Variants in GPRIN3 observed in about 807,000 individuals in gnomAD.
The protein encoded by GPRIN3 is G protein-regulated inducer of neurite outgrowth 3.
A neutral mutation model predicts 13.7 loss-of-function variants in GPRIN3; 12 were observed. That is an observed-to-expected ratio of 0.87 (90% CI 0.56 to 1.42). The LOEUF (loss-of-function observed/expected upper bound fraction) is 1.42, where lower values mean the gene tolerates loss of function less well. Ranked by LOEUF, GPRIN3 falls within the 40% of genes most tolerant of loss-of-function variation. The pLI is 0.00. For synonymous variants in GPRIN3, 377 were observed against 372.7 expected (o/e 1.01, Z -0.13); for missense variants, 1,009 against 958.7 (o/e 1.05, Z -0.69).
intron 1 of GPRIN3, among the ~76,000 whole-genome samples, chr4:89,256,312 C>T (rs1407838253): frequency 6.6e-6 from 1 of 152,162 alleles, no homozygotes; most frequent in African/African-American, 2.4e-5. Flanking sequence ...ATGGCATTAA[C>T]ATCCACTACA....
At chr4:89,254,235 A>T (rs1723409689) in intron 1 of GPRIN3, among the ~76,000 whole-genome samples, 1 of 148,398 alleles carries the variant, frequency 6.7e-6, no homozygotes, top group Admixed American at 6.8e-5. Flanking sequence ...TCTTTTTTTA[A>T]ACCTTTTTTT....
chr4:89,292,559 G>A (rs1724603967), intron 1 of GPRIN3, among the ~76,000 whole-genome samples: 1 of 151,996 alleles, frequency 6.6e-6, no homozygotes. Context: ...GTGAGTTGGG[G>A]CAAAAAAGAG....
intron 1 of GPRIN3, among the ~76,000 whole-genome samples, chr4:89,272,240 G>A (rs748801883): frequency 6.6e-6 from 1 of 152,190 alleles, no homozygotes; most frequent in Non-Finnish European, 1.5e-5. Context: ...GTATCTTAGC[G>A]GGAAGGCTGT....
At chr4:89,283,857 G>A (rs995365979) in intron 1 of GPRIN3, among the ~76,000 whole-genome samples, 5 of 152,086 alleles carry the variant, frequency 3.3e-5, no homozygotes, top group South Asian at 2.1e-4. Context: ...CTGCAGCTCC[G>A]GATGCAAGAT....
chr4:89,304,854 C>G (rs1420589707), intron 1 of GPRIN3, among the ~76,000 whole-genome samples: 1 of 152,166 alleles, frequency 6.6e-6, no homozygotes, highest in Non-Finnish European at 1.5e-5. Context: ...TTCCCTCATT[C>G]TCTCTCTTAT....
chr4:89,284,998 T>G (rs1385612005), intron 1 of GPRIN3, among the ~76,000 whole-genome samples: 1 of 152,162 alleles, frequency 6.6e-6, no homozygotes, highest in African/African-American at 2.4e-5. Flanking sequence ...GCCTTTTGCA[T>G]GTCTGACACT....
intron 1 of GPRIN3, among the ~76,000 whole-genome samples, chr4:89,303,155 T>C (rs1337501741): frequency 6.6e-6 from 1 of 152,068 alleles, no homozygotes; most frequent in African/African-American, 2.4e-5. Context: ...TAGAAATGCA[T>C]ACAAACATAT....
At chr4:89,286,099 A>G (rs1041368625) in intron 1 of GPRIN3, among the ~76,000 whole-genome samples, 4 of 150,724 alleles carry the variant, frequency 2.7e-5, no homozygotes, top group East Asian at 3.9e-4. Context: ...GTGTATATAT[A>G]TATATATATA....
chr4:89,270,524 A>G (rs184908958), intron 1 of GPRIN3, among the ~76,000 whole-genome samples: 1,618 of 136,936 alleles, frequency 0.012, 42 homozygotes, highest in African/African-American at 0.04. Flanking sequence ...TTGCTACGAC[A>G]TCTCTCATAT....
intron 1 of GPRIN3, among the ~76,000 whole-genome samples, chr4:89,251,966 TTA>T (rs1723341772): frequency 6.6e-6 from 1 of 151,926 alleles, no homozygotes; most frequent in African/African-American, 2.4e-5. Context: ...ATGTGTGTGT[TTA>T]TATATAAGCT....
At position 89,248,558 on chromosome 4, in the gene GPRIN3, A is replaced by T. The variant is rs1219436978; in HGVS notation, c.1553T>A (p.Ile518Asn). The change falls in exon 2 of 2, where the codon ATC becomes AAC. Residue 518 changes from isoleucine (I) to asparagine (N), a missense_variant. Coordinates refer to ENST00000609438, the MANE Select transcript of GPRIN3 (RefSeq NM_198281.3). ...GCTCCCAGAATGATCAGCTTTGCTG[A>T]TAGAGCCACAAGAGTCAGATAGTTT... ...DCKLSDSCGS[I>N]SKADHSGSLD... is the part of the protein sequence containing the mutation. The T allele has an allele frequency of 6.2e-7, 1 of 1,613,078 alleles. No homozygotes were observed. Among genetic ancestry groups the T allele is most frequent in the African/African-American group, 1.3e-5 (1 of 75,004 alleles).
chr4:89,252,267 C>G (rs535687365), intron 1 of GPRIN3, among the ~76,000 whole-genome samples: 1 of 152,248 alleles, frequency 6.6e-6, no homozygotes, highest in South Asian at 2.1e-4. Flanking sequence ...GCCCATGAAC[C>G]TGGCCTATAA....
At chr4:89,266,992 T>A (rs1019076736) in intron 1 of GPRIN3, among the ~76,000 whole-genome samples, 3 of 152,166 alleles carry the variant, frequency 2.0e-5, no homozygotes, top group African/African-American at 7.2e-5. Context: ...AGAGAAAATA[T>A]ATATGTAAAG....
intron 1 of GPRIN3, among the ~76,000 whole-genome samples, chr4:89,295,643 G>A (rs944523262): frequency 6.6e-6 from 1 of 152,032 alleles, no homozygotes; most frequent in Non-Finnish European, 1.5e-5. Context: ...AAGAAAACAA[G>A]CAAGATTTAA....
intron 1 of GPRIN3, among the ~76,000 whole-genome samples, chr4:89,260,490 T>C (rs1723594251): frequency 6.6e-6 from 1 of 152,332 alleles, no homozygotes; most frequent in South Asian, 2.1e-4. Context: ...AAACATTAAG[T>C]TAGGCATCGC....
At chr4:89,273,906 T>C (rs576494773) in intron 1 of GPRIN3, among the ~76,000 whole-genome samples, 1 of 152,362 alleles carries the variant, frequency 6.6e-6, no homozygotes, top group Non-Finnish European at 1.5e-5. Flanking sequence ...CAGTTTAATG[T>C]AGTCCAATTA....
intron 1 of GPRIN3, among the ~76,000 whole-genome samples, chr4:89,279,092 G>A (rs1027094639): frequency 2.6e-5 from 4 of 152,194 alleles, no homozygotes; most frequent in East Asian, 1.9e-4. Context: ...GGGAAGAACC[G>A]ATTCCCCTGG....
intron 1 of GPRIN3, among the ~76,000 whole-genome samples, chr4:89,275,218 G>A (rs1337165100): frequency 6.6e-6 from 1 of 152,006 alleles, no homozygotes; most frequent in African/African-American, 2.4e-5. Context: ...TGGGTGGGAA[G>A]CAATTACCCT....
In GPRIN3 at chr4:89,243,825, G is replaced by A. The variant is rs903477053; in HGVS notation, c.*3955C>T. On this transcript the variant is annotated 3_prime_UTR_variant, in exon 2 of 2. Coordinates refer to ENST00000609438, the MANE Select transcript of GPRIN3 (RefSeq NM_198281.3). ...TATGCAAACCTTATCCTAATGTATT[G>A]TTTTTCTTTATACTGATTCATAAAA... is the stretch of plus-strand genomic sequence containing the variant. 1.3e-5 allele frequency: 2 copies of A among 152,164 alleles called. No individual in the cohort carries two copies. The highest frequency in any genetic ancestry group is 2.4e-5 in the African/African-American group (1 of 41,444). 9.4% of individuals were successfully genotyped at this position (152,164 alleles called of 1,614,324 possible).
Sources: allele counts gnomAD v4.1 joint callset (sites outside exome capture counted in the v4.1 genomes callset), GRCh38; gene constraint gnomAD v4.1.1; transcripts MANE v1.5; gene names NCBI Gene and HGNC (gene_info 2026-07-23, HGNC 2026-07-21).